CCDC7: variants seen among roughly 807,000 people sequenced by gnomAD.
CCDC7 encodes the protein coiled-coil domain-containing protein 7.
A neutral mutation model predicts 196.9 loss-of-function variants in CCDC7; 183 were observed. That is an observed-to-expected ratio of 0.93 (90% CI 0.82 to 1.05). CCDC7 has a LOEUF of 1.05. CCDC7 is among the 50% of genes least tolerant of loss of function. CCDC7 has a pLI of 0.00. For synonymous variants in CCDC7, 525 were observed against 484.6 expected (o/e 1.08, Z -1.10); for missense variants, 1,540 against 1,482.2 (o/e 1.04, Z -0.64).
At chr10:32,486,934 T>TA (rs1235134998) in intron 8 of CCDC7, among the ~76,000 whole-genome samples, 1 of 152,064 alleles carries the variant, frequency 6.6e-6, no homozygotes, top group Non-Finnish European at 1.5e-5. Flanking sequence ...ATTTTATCCT[T>TA]CATTTCAACT....
chr10:32,709,010 A>G (rs1304870919), intron 24 of CCDC7, among the ~76,000 whole-genome samples: 2 of 152,210 alleles, frequency 1.3e-5, no homozygotes, highest in Non-Finnish European at 2.9e-5. Context: ...TACTGTAAAG[A>G]CAACGTGCAC....
intron 13 of CCDC7, among the ~76,000 whole-genome samples, chr10:32,555,058 A>G (rs1208655880): frequency 6.6e-6 from 1 of 152,138 alleles, no homozygotes; most frequent in African/African-American, 2.4e-5. Context: ...GTACTCCATT[A>G]TGTATGTGTA....
chr10:32,859,393 A>C (rs2093884705), intron 41 of CCDC7, among the ~76,000 whole-genome samples: 1 of 152,248 alleles, frequency 6.6e-6, no homozygotes, highest in South Asian at 2.1e-4. Context: ...AGAGCATATC[A>C]GAACCTCTGG....
intron 21 of CCDC7, among the ~76,000 whole-genome samples, chr10:32,676,926 T>A (rs1371679705): frequency 6.6e-6 from 1 of 152,134 alleles, no homozygotes; most frequent in East Asian, 1.9e-4. Context: ...CACACATATA[T>A]TTATTGCGGC....
At chr10:32,613,265 A>G (rs2062389661) in intron 18 of CCDC7, among the ~76,000 whole-genome samples, 1 of 151,904 alleles carries the variant, frequency 6.6e-6, no homozygotes, top group Non-Finnish European at 1.5e-5. Context: ...ATTGGTGGTG[A>G]TATCCCCTTT....
chr10:32,729,348 CA>C lies in CCDC7; in HGVS notation c.2804del (p.Lys935ArgfsTer30), dbSNP rs750690568. The C allele has an allele frequency of 1.6e-4, 250 of 1,547,004 alleles. No individual in the cohort carries two copies. Among genetic ancestry groups the C allele is most frequent in the South Asian group, 4.5e-4 (36 of 79,738 alleles). ...TCTATTTAGCGTTTCCTTTAGAAAT[CA>C]AAAAAAAGGATATATCACTTGAACA... is the stretch of plus-strand genomic sequence containing the variant. On this transcript the variant is annotated frameshift_variant, in exon 28 of 42. Transcript: ENST00000639629. LOFTEE classifies it high-confidence loss of function.
intron 18 of CCDC7, among the ~76,000 whole-genome samples, chr10:32,598,825 C>A (rs1009398717): frequency 6.6e-6 from 1 of 151,892 alleles, no homozygotes; most frequent in Non-Finnish European, 1.5e-5. Flanking sequence ...GTTTTGTGTC[C>A]TAACATGTGG....
chr10:32,772,861 G>A (rs1235507801), intron 28 of CCDC7, among the ~76,000 whole-genome samples: 1 of 152,116 alleles, frequency 6.6e-6, no homozygotes, highest in African/African-American at 2.4e-5. Context: ...CACATTCTGG[G>A]GACTGGGAGC....
At chr10:32,473,434 C>T (rs951644452) in intron 7 of CCDC7, among the ~76,000 whole-genome samples, 6 of 152,144 alleles carry the variant, frequency 3.9e-5, no homozygotes, top group Non-Finnish European at 7.4e-5. Context: ...GGAATGGATG[C>T]TCTGCTAAGG....
intron 21 of CCDC7, among the ~76,000 whole-genome samples, chr10:32,670,541 C>G (rs990852269): frequency 8.5e-6 from 1 of 117,056 alleles, no homozygotes; most frequent in Non-Finnish European, 1.7e-5. Context: ...TCCCTCCCCC[C>G]TCCCCCCACC....
chr10:32,577,534 TAC>T (rs1186619504), intron 16 of CCDC7, among the ~76,000 whole-genome samples: 1 of 152,096 alleles, frequency 6.6e-6, no homozygotes, highest in African/African-American at 2.4e-5. Context: ...GCATGTCCAA[TAC>T]CATGGGATCT....
intron 21 of CCDC7, among the ~76,000 whole-genome samples, chr10:32,683,887 G>T (rs1194242711): frequency 6.6e-6 from 1 of 152,228 alleles, no homozygotes; most frequent in African/African-American, 2.4e-5. Context: ...TGCATGAAAA[G>T]CAGTGTGGCT....
chr10:32,683,922 A>T (rs2076162024), intron 21 of CCDC7, among the ~76,000 whole-genome samples: 1 of 152,152 alleles, frequency 6.6e-6, no homozygotes, highest in African/African-American at 2.4e-5. Flanking sequence ...CACGTGTTGC[A>T]TGTTGGAGGC....
At chr10:32,672,512 G>A (rs2074244312) in intron 21 of CCDC7, among the ~76,000 whole-genome samples, 1 of 152,152 alleles carries the variant, frequency 6.6e-6, no homozygotes, top group Admixed American at 6.6e-5. Context: ...AGAGGAGGTG[G>A]TGACTTCTTT....
upstream of CCDC7, among the ~76,000 whole-genome samples, chr10:32,451,364 T>G (rs532629742): frequency 1.6e-4 from 25 of 152,226 alleles, no homozygotes; most frequent in South Asian, 4.1e-4. Flanking sequence ...ATGCTTAAGT[T>G]TAAATAACTT....
chr10:32,488,354 A>G (rs1029075360), intron 8 of CCDC7, among the ~76,000 whole-genome samples: 37 of 152,166 alleles, frequency 2.4e-4, no homozygotes, highest in Admixed American at 2.4e-3. Context: ...TTAGGGTGGG[A>G]GTGACCTGTT....
chr10:32,565,200 C>G (rs936057240), intron 13 of CCDC7, among the ~76,000 whole-genome samples: 3 of 152,126 alleles, frequency 2.0e-5, no homozygotes, highest in Non-Finnish European at 4.4e-5. Flanking sequence ...ATAGAATTTA[C>G]TCATTTGCAC....
chr10:32,481,014 A>G (rs1456792468), intron 8 of CCDC7, among the ~76,000 whole-genome samples: 1 of 152,108 alleles, frequency 6.6e-6, no homozygotes, highest in Non-Finnish European at 1.5e-5. Context: ...TTTGTTTTAT[A>G]TATTTAGGTG....
chr10:32,479,838 CT>C (rs61485925), intron 8 of CCDC7, among the ~76,000 whole-genome samples: 133,822 of 145,718 alleles, frequency 0.92, 62,151 homozygotes, highest in East Asian at 1. Flanking sequence ...CTGGTTTTTT[CT>C]TTTTTTTTTT....
Sources: allele counts gnomAD v4.1 joint callset (sites outside exome capture counted in the v4.1 genomes callset), GRCh38; gene constraint gnomAD v4.1.1; transcripts MANE v1.5; gene names NCBI Gene and HGNC (gene_info 2026-07-23, HGNC 2026-07-21).